The following CMYA5 variants were observed in gnomAD, a reference collection of about 807,000 sequenced individuals.
The protein encoded by CMYA5 is cardiomyopathy-associated protein 5.
In CMYA5, 246 loss-of-function variants were observed where a neutral mutation model predicts 318.9. The ratio of observed to expected loss-of-function variants is 0.77; its 90% confidence interval spans 0.70 to 0.86. CMYA5 has a LOEUF of 0.86. Ranked by LOEUF, CMYA5 falls within the 40% of genes least tolerant of loss-of-function variation. The pLI, the probability that CMYA5 is intolerant of heterozygous loss-of-function variation, is 0.00. For synonymous variants in CMYA5, 1,641 were observed against 1,729.5 expected (o/e 0.95, Z 1.27); for missense variants, 4,589 against 4,678.2 (o/e 0.98, Z 0.56).
rs375419797 is a variant in CMYA5 at position 79,732,444 on chromosome 5, G to A, written c.3679G>A (p.Glu1227Lys). The change falls in exon 2 of 13, where the codon GAG (glutamate) becomes AAG (lysine). Residue 1227 changes from glutamate (E) to lysine (K), a missense_variant. By Grantham distance (56) the Glu-to-Lys change is moderately conservative (BLOSUM62 1). Around this residue, in one of 3 missense-constraint regions of CMYA5, gnomAD observed 2,132 missense variants for 2,131.3 expected, o/e 1.00. Transcript: ENST00000446378. ...ACATGTATCACAGGATCAAAAAATGGAGCCTCAGCCTCCAAATGTTCCAGA... is the reference window on the plus strand; with the variant it reads ...ACATGTATCACAGGATCAAAAAATGAAGCCTCAGCCTCCAAATGTTCCAGA... Reference protein sequence around the residue: ...TAHVSQDQKMEPQPPNVPESE... With the variant: ...TAHVSQDQKMKPQPPNVPESE... 21 of 1,613,294 alleles carry A rather than the reference G, an allele frequency of 1.3e-5. No individual in the cohort carries two copies. The African/African-American group carries it at 2.7e-4, about 21-fold the overall frequency.
intron 2 of CMYA5, among the ~76,000 whole-genome samples, chr5:79,742,221 A>C (rs1186307128): frequency 7.4e-6 from 1 of 135,730 alleles, no homozygotes; most frequent in African/African-American, 2.8e-5. Flanking sequence ...ACAGGGTCTC[A>C]CTCTGTTGCC....
chr5:79,722,654 G>T (rs1291073471), intron 1 of CMYA5, among the ~76,000 whole-genome samples: 1 of 140,310 alleles, frequency 7.1e-6, no homozygotes, highest in Non-Finnish European at 1.5e-5. Flanking sequence ...TCCAGCCTGG[G>T]TGACAGAGTG....
At chr5:79,785,053 C>G (rs554374386) in intron 9 of CMYA5, among the ~76,000 whole-genome samples, 1 of 150,780 alleles carries the variant, frequency 6.6e-6, no homozygotes, top group South Asian at 2.1e-4. Context: ...ATCTAGCTGT[C>G]CCATCAGGAA....
At chr5:79,707,903 AG>A (rs1487310206) in intron 1 of CMYA5, among the ~76,000 whole-genome samples, 2 of 152,220 alleles carry the variant, frequency 1.3e-5, no homozygotes, top group African/African-American at 4.8e-5. Context: ...AAGGCACTGC[AG>A]ATTCAGTGTC....
chr5:79,725,682 C>G (rs1014758347), intron 1 of CMYA5, among the ~76,000 whole-genome samples: 2 of 152,222 alleles, frequency 1.3e-5, no homozygotes, highest in Admixed American at 6.5e-5. Flanking sequence ...GTGGGCAGAT[C>G]ACTTGAGGCC....
At position 79,731,853 on chromosome 5, in the gene CMYA5, G is replaced by GT; in HGVS notation, c.3089dup (p.Ser1031ValfsTer13). 3.1e-6 allele frequency: 5 copies of GT among 1,613,470 alleles called. No homozygotes were observed. Among genetic ancestry groups the GT allele is most frequent in the Non-Finnish European group, 4.2e-6 (5 of 1,179,770 alleles). On this transcript the variant is annotated frameshift_variant, in exon 2 of 13. Coordinates refer to ENST00000446378, the MANE Select transcript of CMYA5 (RefSeq NM_153610.5). LOFTEE classifies it high-confidence loss of function. The stretch of plus-strand genomic sequence containing the variant: ...TGAGCCTGATTCACTATTAACTGCA[G>GT]TGTCTGCTTCAGGTTATTCCTGCTT...
intron 9 of CMYA5, among the ~76,000 whole-genome samples, chr5:79,778,899 T>C (rs1828999320): frequency 8.0e-6 from 1 of 125,724 alleles, no homozygotes; most frequent in Admixed American, 8.5e-5. Flanking sequence ...TATTTATTTT[T>C]ATTTTTTTTT....
chr5:79,734,658 C>T lies in CMYA5; in HGVS notation c.5893C>T (p.Leu1965Phe). ...HLSSQEAVSA[L>F]DTSSGNTETL... The stretch of plus-strand genomic sequence containing the variant: ...GTCATCACAAGAAGCAGTATCTGCT[C>T]TTGATACTTCCAGTGGTAATACAGA... Residue 1965 changes from leucine (L) to phenylalanine (F), a missense_variant, in exon 2 of 13, where the codon CTT (leucine) becomes TTT (phenylalanine). Around this residue, in one of 3 missense-constraint regions of CMYA5, gnomAD observed 2,431 missense variants for 2,495.1 expected, o/e 0.97. Transcript: ENST00000446378. The T allele has an allele frequency of 6.2e-7, 1 of 1,613,582 alleles. No individual in the cohort carries two copies. Among genetic ancestry groups the T allele is most frequent in the South Asian group, 1.1e-5 (1 of 91,080 alleles).
chr5:79,734,537 G>C lies in CMYA5; in HGVS notation c.5772G>C (p.Leu1924=). ...TGGATTCCTCTAGCAGCAATGAGCT[G>C]AGGCCAGGGCAGCTCAAGGCTGCTG... The part of the protein sequence containing the change: ...VQLDSSSSNE[L]RPGQLKAAVS... Residue 1924 remains leucine (L), a synonymous_variant, in exon 2 of 13, where the codon CTG becomes CTC. Transcript: ENST00000446378. 6.2e-7 allele frequency: 1 copy of C among 1,613,870 alleles called. No individual in the cohort carries two copies. The highest frequency in any genetic ancestry group is 1.6e-4 in the Middle Eastern group (1 of 6,062).
chr5:79,786,470 C>T (rs1829083101), intron 9 of CMYA5, among the ~76,000 whole-genome samples: 1 of 152,218 alleles, frequency 6.6e-6, no homozygotes, highest in African/African-American at 2.4e-5. Flanking sequence ...TAAGCACCAA[C>T]TAAGTACCAA....
intron 1 of CMYA5, among the ~76,000 whole-genome samples, chr5:79,715,112 A>C (rs959418228): frequency 1.3e-5 from 2 of 151,814 alleles, no homozygotes. Flanking sequence ...GTGTATATGG[A>C]GGTTTTGTTT....
intron 2 of CMYA5, among the ~76,000 whole-genome samples, chr5:79,743,106 C>T (rs1228287964): frequency 6.6e-6 from 1 of 152,200 alleles, no homozygotes; most frequent in African/African-American, 2.4e-5. Context: ...AAGAGGCCTC[C>T]ATCAATGTTG....
intron 9 of CMYA5, among the ~76,000 whole-genome samples, chr5:79,785,516 T>C (rs1216825296): frequency 6.6e-6 from 1 of 152,130 alleles, no homozygotes; most frequent in Admixed American, 6.5e-5. Context: ...CTTATATCTT[T>C]ATATATTTTT....
At chr5:79,751,128 G>A (rs181694445) in intron 5 of CMYA5, among the ~76,000 whole-genome samples, 1 of 152,152 alleles carries the variant, frequency 6.6e-6, no homozygotes, top group East Asian at 1.9e-4. Context: ...TCCTTCCTTA[G>A]ACACTTGCCA....
At chr5:79,740,616 A>G (rs1828190993) in intron 2 of CMYA5, among the ~76,000 whole-genome samples, 2 of 152,184 alleles carry the variant, frequency 1.3e-5, no homozygotes, top group African/African-American at 4.8e-5. Context: ...CTATGTCTGT[A>G]GGACCCCAGT....
intron 9 of CMYA5, among the ~76,000 whole-genome samples, chr5:79,769,759 C>T (rs1828820584): frequency 6.6e-6 from 1 of 152,166 alleles, no homozygotes; most frequent in South Asian, 2.1e-4. Flanking sequence ...AAGTGTCTCC[C>T]AAGTCAGGAG....
At chr5:79,701,366 G>A (rs573215074) in intron 1 of CMYA5, among the ~76,000 whole-genome samples, 2 of 152,220 alleles carry the variant, frequency 1.3e-5, no homozygotes, top group African/African-American at 4.8e-5. Flanking sequence ...TAAATTAAAT[G>A]TTCCTAGGGT....
intron 10 of CMYA5, among the ~76,000 whole-genome samples, 193 bp from the exon 11 acceptor site, chr5:79,790,777 G>A (rs767444131): frequency 2.6e-5 from 4 of 152,190 alleles, no homozygotes; most frequent in Non-Finnish European, 4.4e-5. Flanking sequence ...ATGGCACCAC[G>A]TAGAGGTAAC....
At position 79,769,849 on chromosome 5, in the gene CMYA5, T is replaced by C. The variant is rs188097288; in HGVS notation, c.11555+6640T>C. Among the ~76,000 whole-genome samples, 345 of 152,294 alleles carry C rather than the reference T, an allele frequency of 2.3e-3. 5 individuals carry two copies. The highest frequency in any genetic ancestry group is 7.9e-3 in the African/African-American group (330 of 41,558). ...AGTGCTGTGCTGGGAGATCTGCTGC[T>C]CTCTTCAGAGCTGGCAGGCTGGAAC... On this transcript the variant is annotated intron_variant, in intron 9 of 12. Coordinates refer to ENST00000446378, the MANE Select transcript of CMYA5 (RefSeq NM_153610.5).
Sources: gnomAD v4.1 joint callset for allele counts (sites outside exome capture counted in the v4.1 genomes callset) on GRCh38, gnomAD v4.1.1 for gene constraint, gnomAD v4.1.1 regional missense constraint, MANE v1.5 for transcripts, NCBI Gene and HGNC (gene_info 2026-07-23, HGNC 2026-07-21) for gene names.